The following TMEM156 variants were observed in gnomAD, a reference collection of about 807,000 sequenced individuals.
TMEM156 encodes transmembrane protein 156.
Under a neutral mutation model 30.5 loss-of-function variants are expected in TMEM156, and 28 were observed. The observed-to-expected ratio is 0.92, with a 90% confidence interval of 0.68 to 1.26. TMEM156 has a LOEUF of 1.26. Among genes scored for constraint, TMEM156 ranks in the 50% most tolerant of loss-of-function variants. The pLI is 0.00. For synonymous variants in TMEM156, 137 were observed against 119.9 expected (o/e 1.14, Z -0.93); for missense variants, 351 against 340.6 (o/e 1.03, Z -0.24).
intron 1 of TMEM156, among the ~76,000 whole-genome samples, chr4:39,018,074 T>C (rs539360591): frequency 1.3e-5 from 2 of 152,330 alleles, no homozygotes; most frequent in South Asian, 2.1e-4. Context: ...CTTGCCTTTC[T>C]GGCTGTTAAA....
In TMEM156 at chr4:38,968,289, G is replaced by T. The variant is rs151026174; in HGVS notation, c.*39-648C>A. 3.9e-5 allele frequency among the ~76,000 whole-genome samples: 6 copies of T among 152,300 alleles called. No individual in the cohort carries two copies. The East Asian group carries it at 1.2e-3, about 29-fold the overall frequency. ...TCCATGATTCTAACACAGAGACATA[G>T]AAATTGGGATTTATTCATTTACTCA... is the stretch of plus-strand genomic sequence containing the variant. On this transcript the variant is annotated intron_variant, in intron 6 of 6. Transcript: ENST00000381938.
At chr4:39,004,462 T>C (rs1366811096) in intron 1 of TMEM156, among the ~76,000 whole-genome samples, 1 of 152,152 alleles carries the variant, frequency 6.6e-6, no homozygotes, top group African/African-American at 2.4e-5. Flanking sequence ...CCCATGTACC[T>C]ATCACCCAGA....
intron 3 of TMEM156, among the ~76,000 whole-genome samples, chr4:38,991,326 C>A (rs745983559): frequency 2.6e-5 from 4 of 151,168 alleles, no homozygotes; most frequent in Non-Finnish European, 5.9e-5. Flanking sequence ...CTATCTCAAG[C>A]AGTCCTCCTG....
At chr4:39,013,329 G>A (rs1244461547) in intron 1 of TMEM156, among the ~76,000 whole-genome samples, 10 of 148,100 alleles carry the variant, frequency 6.8e-5, no homozygotes, top group African/African-American at 2.5e-4. Context: ...AAGAAAGAAA[G>A]AAAAAGAAAA....
chr4:38,989,241 T>G (rs1233021535), intron 3 of TMEM156, among the ~76,000 whole-genome samples: 4 of 152,264 alleles, frequency 2.6e-5, no homozygotes, highest in Admixed American at 2.6e-4. Flanking sequence ...GTTATGCTGA[T>G]ATTAGTTTCA....
intron 5 of TMEM156, among the ~76,000 whole-genome samples, chr4:38,984,477 G>GAC (rs55743516): frequency 0.17 from 26,118 of 151,662 alleles, 2,408 homozygotes; most frequent in East Asian, 0.26. Flanking sequence ...TGCTGAATGT[G>GAC]ACACAGTCAC....
intron 1 of TMEM156, among the ~76,000 whole-genome samples, chr4:39,017,171 CTTTT>C (rs1159565890): frequency 1.1e-5 from 1 of 91,300 alleles, no homozygotes. Flanking sequence ...TGTATTTCTT[CTTTT>C]TTTTTTTTTT....
intron 5 of TMEM156, among the ~76,000 whole-genome samples, chr4:38,976,406 G>C (rs941041330): frequency 2.0e-5 from 3 of 151,830 alleles, no homozygotes; most frequent in Non-Finnish European, 2.9e-5. Flanking sequence ...CCAGTGGACA[G>C]CCGGGAAGAT....
At chr4:39,016,280 G>A (rs1031290076) in intron 1 of TMEM156, among the ~76,000 whole-genome samples, 1 of 151,904 alleles carries the variant, frequency 6.6e-6, no homozygotes, top group Non-Finnish European at 1.5e-5. Context: ...GGATGAGGCA[G>A]GAGAATTGCT....
At chr4:38,994,691 T>G (rs937683655) in intron 2 of TMEM156, among the ~76,000 whole-genome samples, 3 of 152,178 alleles carry the variant, frequency 2.0e-5, no homozygotes, top group African/African-American at 7.2e-5. Context: ...ATCCTGCCTG[T>G]AATCCTAGCC....
intron 5 of TMEM156, among the ~76,000 whole-genome samples, chr4:38,972,412 G>A (rs748564114): frequency 4.0e-5 from 6 of 151,106 alleles, no homozygotes; most frequent in Non-Finnish European, 8.9e-5. Context: ...CACCACACCT[G>A]GCTAAGTTCT....
chr4:38,971,372 A>G (rs1252620147), intron 5 of TMEM156, among the ~76,000 whole-genome samples: 1 of 152,228 alleles, frequency 6.6e-6, no homozygotes, highest in Non-Finnish European at 1.5e-5. Flanking sequence ...TAAGGAAGAC[A>G]ACGTAGAGAA....
In TMEM156 at chr4:38,986,373, C is replaced by A; in HGVS notation, c.786G>T (p.Ser262=). Residue 262 remains serine, a synonymous_variant, in exon 5 of 7, where the codon TCG becomes TCT. Transcript: ENST00000381938. The stretch of plus-strand genomic sequence containing the variant: ...GCACATTCAATGCTCTCAGTTTCTC[C>A]GAATCACTTCCTCTTAAGAGAACAG... ...PTSVLLRGSD[S]EKLRALNVQV... 6.2e-7 allele frequency: 1 copy of A among 1,613,812 alleles called. No individual in the cohort carries two copies. Among genetic ancestry groups the A allele is most frequent in the Non-Finnish European group, 8.5e-7 (1 of 1,179,858 alleles).
chr4:39,027,818 G>A (rs182422595), intron 1 of TMEM156, among the ~76,000 whole-genome samples: 1 of 149,044 alleles, frequency 6.7e-6, no homozygotes, highest in East Asian at 2.0e-4. Flanking sequence ...GTGCAGTGGT[G>A]TAATCTCGGC....
At chr4:39,026,798 G>T (rs7676798) in intron 1 of TMEM156, among the ~76,000 whole-genome samples, 1 of 151,826 alleles carries the variant, frequency 6.6e-6, no homozygotes, top group Non-Finnish European at 1.5e-5. Flanking sequence ...ATGGTGGTGC[G>T]TGCCTGTAGT....
In TMEM156 at chr4:39,008,126, G is replaced by A. The variant is rs567575873; in HGVS notation, c.89-9217C>T. Among the ~76,000 whole-genome samples, 760 of 151,542 alleles carry A rather than the reference G, an allele frequency of 5.0e-3. 3 individuals carry two copies. Among genetic ancestry groups the A allele is most frequent in the Non-Finnish European group, 7.8e-3 (527 of 67,854 alleles). ...TTCATACTTTTTATTTCTTATACTT[G>A]TCTTACTGCAATGTCAAGGACGTTC... is the stretch of plus-strand genomic sequence containing the variant. On this transcript the variant is annotated intron_variant, in intron 1 of 6. Transcript: ENST00000381938.
intron 1 of TMEM156, among the ~76,000 whole-genome samples, chr4:39,021,064 T>C (rs1042443805): frequency 6.6e-6 from 1 of 152,240 alleles, no homozygotes; most frequent in Admixed American, 6.5e-5. Flanking sequence ...ATTAGCGATG[T>C]TGAGAATTTT....
intron 3 of TMEM156, among the ~76,000 whole-genome samples, chr4:38,989,956 G>C (rs112221854): frequency 7.2e-5 from 11 of 152,046 alleles, no homozygotes; most frequent in African/African-American, 2.4e-4. Flanking sequence ...ACCACGCCCG[G>C]CTAATTTTTT....
At chr4:38,991,377 C>T (rs906975635) in intron 3 of TMEM156, among the ~76,000 whole-genome samples, 4 of 151,840 alleles carry the variant, frequency 2.6e-5, no homozygotes, top group Admixed American at 1.3e-4. Context: ...GTGTGCACCA[C>T]ACCTAGCTTA....
Sources: gnomAD v4.1 joint callset for allele counts (sites outside exome capture counted in the v4.1 genomes callset) on GRCh38, gnomAD v4.1.1 for gene constraint, MANE v1.5 for transcripts, NCBI Gene and HGNC (gene_info 2026-07-23, HGNC 2026-07-21) for gene names.